Variants in TTC39C observed in about 807,000 individuals in gnomAD.
TTC39C encodes the protein tetratricopeptide repeat domain 39C.
TTC39C carries 33 observed loss-of-function variants against 76.3 expected under a neutral mutation model. The observed-to-expected ratio is 0.43, with a 90% CI of 0.33 to 0.58. TTC39C has a LOEUF of 0.58. Among genes scored for constraint, TTC39C ranks in the 20% least tolerant of loss-of-function variants. The pLI is 0.04. For missense variants in TTC39C, 595 were observed against 701.4 expected, an observed-to-expected ratio of 0.85 and a Z score of 1.71; for synonymous variants, 254 against 260.6, an observed-to-expected ratio of 0.97 and a Z score of 0.24.
chr18:24,120,724 C>T (rs1190620553), intron 8 of TTC39C, among the ~76,000 whole-genome samples: 2 of 152,072 alleles, frequency 1.3e-5, no homozygotes, highest in Non-Finnish European at 2.9e-5. Flanking sequence ...CCCTGGTTAC[C>T]ACGCTTCTAC....
chr18:24,028,220 G>A (rs1356954257), intron 1 of TTC39C, among the ~76,000 whole-genome samples: 1 of 152,216 alleles, frequency 6.6e-6, no homozygotes, highest in Non-Finnish European at 1.5e-5. Context: ...TAGAAGTGTA[G>A]CCAAAGTGTC....
chr18:24,074,445 A>T (rs539036072), intron 4 of TTC39C, among the ~76,000 whole-genome samples: 13 of 152,322 alleles, frequency 8.5e-5, no homozygotes, highest in African/African-American at 3.1e-4. Flanking sequence ...TTGCAACCTC[A>T]GGCATAATTA....
At chr18:24,063,613 C>T (rs2084128241) in intron 1 of TTC39C, among the ~76,000 whole-genome samples, 1 of 150,150 alleles carries the variant, frequency 6.7e-6, no homozygotes, top group Non-Finnish European at 1.5e-5. Context: ...CTTGGATTCA[C>T]GCAATTGTCC....
intron 3 of TTC39C, among the ~76,000 whole-genome samples, chr18:24,067,194 A>G (rs886874543): frequency 3.3e-5 from 5 of 152,348 alleles, no homozygotes; most frequent in Middle Eastern, 3.4e-3. Flanking sequence ...GGAGTGTTCT[A>G]TTCTTCATTT....
chr18:24,053,997 T>G lies in TTC39C; in HGVS notation c.168-10143T>G, dbSNP rs952281321. On this transcript the variant is annotated intron_variant, in intron 1 of 13. Transcript: ENST00000317571. The stretch of plus-strand genomic sequence containing the variant: ...GAGCAAAAGTGGCCTTTTCCTCCCC[T>G]TTTTTAAATTTTGAAAGGGATGCAT... Among the ~76,000 whole-genome samples the G allele has an allele frequency of 6.6e-5, 10 of 152,334 alleles. 1 individual carries two copies. In the South Asian group the frequency reaches 1.2e-3, roughly 19 times the overall value.
chr18:24,103,797 C>T (rs2084709463), intron 6 of TTC39C, among the ~76,000 whole-genome samples: 1 of 151,698 alleles, frequency 6.6e-6, no homozygotes, highest in Admixed American at 6.6e-5. Flanking sequence ...CTCTTCTTGC[C>T]CTGCAGTCTG....
chr18:24,104,941 G>A (rs938939527), intron 6 of TTC39C, among the ~76,000 whole-genome samples: 11 of 151,440 alleles, frequency 7.3e-5, no homozygotes, highest in Non-Finnish European at 8.8e-5. Context: ...CTTTCTAAAC[G>A]TAACTCTAAA....
At chr18:24,017,142 G>T (rs1165678975) in intron 1 of TTC39C, among the ~76,000 whole-genome samples, 1 of 152,168 alleles carries the variant, frequency 6.6e-6, no homozygotes, top group Non-Finnish European at 1.5e-5. Flanking sequence ...AAAAAGACAG[G>T]TAGACAGAGA....
intron 8 of TTC39C, among the ~76,000 whole-genome samples, chr18:24,122,067 CT>C (rs1353086359): frequency 2.0e-5 from 3 of 152,200 alleles, no homozygotes; most frequent in Non-Finnish European, 2.9e-5. Context: ...TTCCCATTGT[CT>C]TTGCATCCTC....
intron 1 of TTC39C, among the ~76,000 whole-genome samples, chr18:24,036,700 A>G (rs1429989443): frequency 6.6e-6 from 1 of 152,134 alleles, no homozygotes; most frequent in African/African-American, 2.4e-5. Context: ...GCATGATCAC[A>G]GTCTACTGCA....
chr18:24,084,686 C>T (rs1364325113), intron 6 of TTC39C, among the ~76,000 whole-genome samples: 2 of 151,938 alleles, frequency 1.3e-5, no homozygotes, highest in Non-Finnish European at 2.9e-5. Context: ...AGACGGGTCT[C>T]ACCCTGTTGC....
intron 1 of TTC39C, among the ~76,000 whole-genome samples, chr18:23,997,551 CAAAAAAAAAAA>C (rs71163650): frequency 5.7e-5 from 3 of 52,180 alleles, no homozygotes; most frequent in Non-Finnish European, 9.6e-5. Context: ...GTCTCTGTCT[CAAAAAAAAAAA>C]AAAAAAAAAA....
intron 1 of TTC39C, among the ~76,000 whole-genome samples, chr18:24,049,096 C>G (rs1003975692): frequency 6.6e-6 from 1 of 152,070 alleles, no homozygotes; most frequent in Non-Finnish European, 1.5e-5. Flanking sequence ...TACAGGTGGA[C>G]AATTCAAGAA....
intron 4 of TTC39C, among the ~76,000 whole-genome samples, chr18:24,076,357 C>T (rs992291574): frequency 6.6e-6 from 1 of 152,188 alleles, no homozygotes; most frequent in Admixed American, 6.5e-5. Context: ...TCATACTTGA[C>T]CTTTCAGAGC....
chr18:24,047,107 T>C (rs1282594546), intron 1 of TTC39C, among the ~76,000 whole-genome samples: 2 of 151,804 alleles, frequency 1.3e-5, no homozygotes, highest in Non-Finnish European at 2.9e-5. Flanking sequence ...TTTTTTTCTT[T>C]TTTTGAGATG....
chr18:24,083,164 G>C, intron 6 of TTC39C, 83 bp downstream of exon 6: 3 of 1,402,204 alleles, frequency 2.1e-6, no homozygotes, highest in Non-Finnish European at 2.9e-6. Flanking sequence ...GTATTAAAAC[G>C]AGCCAGAATG....
At chr18:24,118,680 T>C (rs1047332774) in intron 8 of TTC39C, among the ~76,000 whole-genome samples, 1 of 150,822 alleles carries the variant, frequency 6.6e-6, no homozygotes, top group Non-Finnish European at 1.5e-5. Context: ...TGAGTCTGGG[T>C]CTTGCTCTTT....
chr18:24,068,626 G>C (rs1047818213), intron 3 of TTC39C, among the ~76,000 whole-genome samples: 18 of 152,302 alleles, frequency 1.2e-4, no homozygotes, highest in African/African-American at 4.1e-4. Context: ...ATTTCAAGTA[G>C]TTTGTGATTT....
At chr18:24,038,973 A>T (rs570110952) in intron 1 of TTC39C, among the ~76,000 whole-genome samples, 1 of 152,302 alleles carries the variant, frequency 6.6e-6, no homozygotes, top group African/African-American at 2.4e-5. Context: ...CTGTGTCCAG[A>T]TATAGTCAAA....
Sources: allele counts gnomAD v4.1 joint callset (sites outside exome capture counted in the v4.1 genomes callset), GRCh38; gene constraint gnomAD v4.1.1; transcripts MANE v1.5; gene names NCBI Gene and HGNC (gene_info 2026-07-23, HGNC 2026-07-21).